DPP10: variants seen among roughly 807,000 people sequenced by gnomAD.
DPP10 encodes the protein inactive dipeptidyl peptidase 10.
DPP10 carries 33 observed loss-of-function variants against 120.9 expected under a neutral mutation model. The ratio of observed to expected loss-of-function variants is 0.27; its 90% CI spans 0.21 to 0.37. DPP10 has a LOEUF of 0.37. Ranked by LOEUF, DPP10 falls within the 10% of genes least tolerant of loss-of-function variation. The pLI, the probability that DPP10 is intolerant of heterozygous loss-of-function variation, is 1.00. For synonymous variants in DPP10, 337 were observed against 326.1 expected, an observed-to-expected ratio of 1.03 and a Z score of -0.36; for missense variants, 816 against 942.8, an observed-to-expected ratio of 0.87 and a Z score of 1.76.
chr2:114,845,064 A>G (rs17731643), intron 1 of DPP10, among the ~76,000 whole-genome samples: 13,184 of 152,200 alleles, frequency 0.087, 694 homozygotes, highest in Non-Finnish European at 0.11. Flanking sequence ...CCAAGTATGT[A>G]TGATTCCAAC....
At chr2:114,929,875 C>T (rs796806021) in intron 1 of DPP10, among the ~76,000 whole-genome samples, 16 of 152,204 alleles carry the variant, frequency 1.1e-4, no homozygotes, top group African/African-American at 1.7e-4. Context: ...ACTGCAGTAA[C>T]GACAGGCATA....
chr2:114,940,753 C>T (rs983983383), intron 1 of DPP10, among the ~76,000 whole-genome samples: 2 of 152,098 alleles, frequency 1.3e-5, no homozygotes, highest in Admixed American at 1.3e-4. Flanking sequence ...ACTGTACTGC[C>T]GAGAAAGCAA....
In DPP10 at chr2:115,151,254, C is replaced by T. The variant is rs117280732; in HGVS notation, c.61-157985C>T. Among the ~76,000 whole-genome samples the T allele has an allele frequency of 3.9e-5, 6 of 152,198 alleles. No individual in the cohort carries two copies. In the East Asian group the frequency reaches 1.2e-3, roughly 29 times the overall value. On this transcript the variant is annotated intron_variant, in intron 1 of 25. Coordinates refer to ENST00000410059, the MANE Select transcript of DPP10 (RefSeq NM_020868.6). ...AATAATAATCTTAGTTCCTTTTTAA[C>T]TCAAGTATTCTTTTGCCCTACATGC...
rs575308798 is a variant in DPP10 at position 114,630,455 on chromosome 2, T to A, written c.60+187617T>A. On this transcript the variant is annotated intron_variant, in intron 1 of 25. Transcript: ENST00000410059. The stretch of plus-strand genomic sequence containing the variant: ...GTCAGTTTATGAAATGAGAGTCGAG[T>A]TAATAGCAATTCTCTTCCCCCTCAC... 7.2e-5 allele frequency among the ~76,000 whole-genome samples: 11 copies of A among 152,192 alleles called. No homozygotes were observed. The East Asian group carries it at 2.1e-3, about 29-fold the overall frequency.
chr2:115,199,598 C>T (rs1045305404), intron 1 of DPP10, among the ~76,000 whole-genome samples: 2 of 152,070 alleles, frequency 1.3e-5, no homozygotes, highest in African/African-American at 2.4e-5. Context: ...TTTAAAATAA[C>T]ATACCTACTT....
intron 1 of DPP10, among the ~76,000 whole-genome samples, chr2:114,864,217 T>A (rs1041382803): frequency 2.6e-5 from 4 of 152,190 alleles, no homozygotes; most frequent in African/African-American, 9.6e-5. Context: ...CATTTCTCAC[T>A]CTTTGGTGGT....
intron 3 of DPP10, among the ~76,000 whole-genome samples, chr2:115,419,012 T>TA (rs1289084148): frequency 6.6e-6 from 1 of 152,124 alleles, no homozygotes; most frequent in East Asian, 1.9e-4. Context: ...ATATGAAGGG[T>TA]AATTTGTTTT....
intron 1 of DPP10, among the ~76,000 whole-genome samples, chr2:114,665,142 A>T (rs1697822191): frequency 6.6e-6 from 1 of 152,202 alleles, no homozygotes; most frequent in African/African-American, 2.4e-5. Context: ...CAAGGAAAAA[A>T]ATGTATGCTG....
At chr2:115,386,126 T>C (rs2066912212) in intron 3 of DPP10, among the ~76,000 whole-genome samples, 1 of 152,220 alleles carries the variant, frequency 6.6e-6, no homozygotes, top group African/African-American at 2.4e-5. Flanking sequence ...TTAATTTTAT[T>C]AGACAAACTT....
chr2:114,888,133 C>G (rs1298894871), intron 1 of DPP10, among the ~76,000 whole-genome samples: 59 of 145,794 alleles, frequency 4.0e-4, no homozygotes, highest in South Asian at 8.9e-4. Flanking sequence ...ACAGAGCGAG[C>G]CTCCGTCTCA....
chr2:114,609,387 T>C (rs1693095781), intron 1 of DPP10, among the ~76,000 whole-genome samples: 1 of 152,134 alleles, frequency 6.6e-6, no homozygotes, highest in South Asian at 2.1e-4. Flanking sequence ...GTCAATTCAT[T>C]TGCAGATTCC....
chr2:115,135,142 T>C (rs1044988388), intron 1 of DPP10, among the ~76,000 whole-genome samples: 4 of 151,668 alleles, frequency 2.6e-5, no homozygotes, highest in African/African-American at 7.3e-5. Flanking sequence ...ATGTTGGAGA[T>C]AGAGAGTTGA....
chr2:115,634,697 C>T (rs556372163), intron 5 of DPP10, among the ~76,000 whole-genome samples: 2 of 152,100 alleles, frequency 1.3e-5, no homozygotes, highest in African/African-American at 4.8e-5. Flanking sequence ...CAGGAGGCAC[C>T]GGATGTGGGA....
At chr2:115,443,640 G>T (rs2072287174) in intron 3 of DPP10, among the ~76,000 whole-genome samples, 1 of 152,114 alleles carries the variant, frequency 6.6e-6, no homozygotes, top group Non-Finnish European at 1.5e-5. Flanking sequence ...ACAAAATGTG[G>T]TTCTCAGACA....
At chr2:115,309,418 G>A in intron 2 of DPP10, 65 bp downstream of exon 2, 4 of 1,481,318 alleles carry the variant, frequency 2.7e-6, no homozygotes, top group Non-Finnish European at 3.8e-6. Flanking sequence ...GCATTCAAAT[G>A]CCTTAAGAGG....
chr2:115,706,959 T>C (rs190394414), intron 7 of DPP10, among the ~76,000 whole-genome samples: 20 of 152,044 alleles, frequency 1.3e-4, no homozygotes, highest in Non-Finnish European at 2.4e-4. Context: ...CTCTCCTCCT[T>C]AAGAACAACC....
intron 1 of DPP10, among the ~76,000 whole-genome samples, chr2:114,980,244 G>T (rs1211250098): frequency 6.6e-6 from 1 of 152,070 alleles, no homozygotes; most frequent in East Asian, 1.9e-4. Flanking sequence ...ACAGTGATGT[G>T]AATATAATTT....
chr2:115,184,521 G>T (rs1428122390), intron 1 of DPP10, among the ~76,000 whole-genome samples: 1 of 152,202 alleles, frequency 6.6e-6, no homozygotes, highest in Non-Finnish European at 1.5e-5. Flanking sequence ...TTTGAAGGCT[G>T]CCCTTGAGGA....
intron 5 of DPP10, among the ~76,000 whole-genome samples, chr2:115,687,755 A>G (rs1359479468): frequency 6.6e-6 from 1 of 152,128 alleles, no homozygotes; most frequent in Non-Finnish European, 1.5e-5. Context: ...GAGAACGACC[A>G]GCAACCTCTA....
Sources: allele counts gnomAD v4.1 joint callset (sites outside exome capture counted in the v4.1 genomes callset), GRCh38; gene constraint gnomAD v4.1.1; transcripts MANE v1.5; gene names NCBI Gene and HGNC (gene_info 2026-07-23, HGNC 2026-07-21).